Variants in PTPN2 observed in about 807,000 individuals in gnomAD.
PTPN2 encodes protein tyrosine phosphatase non-receptor type 2.
In PTPN2, 19 loss-of-function variants were observed where a neutral mutation model predicts 57.3. That is an observed-to-expected ratio of 0.33 (90% CI 0.23 to 0.49). The LOEUF is 0.49. Ranked by LOEUF, PTPN2 falls within the 20% of genes least tolerant of loss-of-function variation. PTPN2 has a pLI of 0.99. For missense variants in PTPN2, 358 were observed against 501.1 expected, an observed-to-expected ratio of 0.71 and a Z score of 2.73; for synonymous variants, 153 against 164.9, an observed-to-expected ratio of 0.93 and a Z score of 0.55.
Position 12,799,654 on chromosome 18 carries a change from G to A in PTPN2, c.1040+2316C>T, listed in dbSNP as rs184295119. On this transcript the variant is annotated intron_variant, in intron 8 of 8. Transcript: ENST00000309660. Reference sequence around the variant, plus strand: ...GTCTGGAGTGCAGTGTTATGATCTCGGCTCACTGCAACCTCCTGGGTTCAA... The same window carrying A: ...GTCTGGAGTGCAGTGTTATGATCTCAGCTCACTGCAACCTCCTGGGTTCAA... Among the ~76,000 whole-genome samples, 1,148 of 150,400 alleles carry A rather than the reference G, an allele frequency of 7.6e-3. 31 individuals carry two copies. Among genetic ancestry groups the A allele is most frequent in the Admixed American group, 0.051 (764 of 15,070 alleles).
At chr18:12,821,267 G>C (rs1402528923) in intron 5 of PTPN2, 1 of 152,188 alleles carries the variant, frequency 6.6e-6, no homozygotes. Flanking sequence ...AATGTGAAGT[G>C]CCTGCCATAT....
intron 7 of PTPN2, among the ~76,000 whole-genome samples, chr18:12,806,656 T>C (rs1299562481): frequency 6.6e-6 from 1 of 152,096 alleles, no homozygotes; most frequent in Non-Finnish European, 1.5e-5. Flanking sequence ...TTACAGCCAA[T>C]TTATTTTTGA....
intron 2 of PTPN2, among the ~76,000 whole-genome samples, chr18:12,847,714 C>T (rs78397314): frequency 0.066 from 10,020 of 151,038 alleles, 439 homozygotes; most frequent in East Asian, 0.13. Context: ...CCTCCACCTC[C>T]CAGGTTCAAA....
At chr18:12,817,101 G>A (rs954557890) in intron 6 of PTPN2, 55 bp downstream of exon 6, 7 of 1,506,138 alleles carry the variant, frequency 4.6e-6, no homozygotes, top group Non-Finnish European at 6.4e-6. Flanking sequence ...GCCAGTGGAA[G>A]CAATTTAAAA....
At chr18:12,883,841 C>T in intron 1 of PTPN2, 1 of 403,852 alleles carries the variant, frequency 2.5e-6, no homozygotes, top group Non-Finnish European at 4.4e-6. Flanking sequence ...TGCGCTTGCG[C>T]TAACCATGAG....
rs1394547422 is a variant in PTPN2, at chr18:12,874,136, C to A, written c.69+9937G>T. Among the ~76,000 whole-genome samples the A allele has an allele frequency of 3.3e-5, 5 of 152,050 alleles. No individual in the cohort carries two copies. The South Asian group carries it at 1.0e-3, about 31-fold the overall frequency. ...GTGAGGAGCGTCTCCACCTGGCAGC[C>A]GCCCCGTCCAGGAGGGAGGTGGGGG... On this transcript the variant is annotated intron_variant, in intron 1 of 8. Coordinates refer to ENST00000309660, the MANE Select transcript of PTPN2 (RefSeq NM_002828.4).
rs1181544951 is a variant in PTPN2 at position 12,792,193 on chromosome 18, C to G, written c.*2085G>C. 3.3e-5 allele frequency: 31 copies of G among 938,456 alleles called. No homozygotes were observed. Among genetic ancestry groups the G allele is most frequent in the Non-Finnish European group, 3.9e-5 (31 of 786,658 alleles). The allele number at this position is 938,456 out of a possible 1,614,324, so 58.1% of individuals were successfully genotyped here. A position where few individuals can be genotyped will look rare whatever the true frequency, so the allele number is the denominator to read the frequency against. On this transcript the variant is annotated 3_prime_UTR_variant, in exon 9 of 9. Coordinates refer to ENST00000309660, the MANE Select transcript of PTPN2 (RefSeq NM_002828.4). Reference sequence around the variant, plus strand: ...TTTAATATGTAGTACCACCTACATCCTGCTTTCATACTTTCAACATAATTT... The same window carrying G: ...TTTAATATGTAGTACCACCTACATCGTGCTTTCATACTTTCAACATAATTT...
At chr18:12,874,314 CCCCGCTTGGCCAGCCG>C (rs2145528191) in intron 1 of PTPN2, among the ~76,000 whole-genome samples, 1 of 132,318 alleles carries the variant, frequency 7.6e-6, no homozygotes, top group East Asian at 2.5e-4. Flanking sequence ...GGGGTCAGCC[CCCCGCTTGGCCAGCCG>C]CCCCGTCTGG....
At chr18:12,836,592 C>G (rs2042874414) in intron 3 of PTPN2, among the ~76,000 whole-genome samples, 199 bp downstream of exon 3, 1 of 152,176 alleles carries the variant, frequency 6.6e-6, no homozygotes, top group East Asian at 1.9e-4. Context: ...CGTGTAATAT[C>G]AAAAATAACT....
chr18:12,796,415 A>ATATGGT (rs1298446214), intron 8 of PTPN2, among the ~76,000 whole-genome samples: 1 of 152,222 alleles, frequency 6.6e-6, no homozygotes, highest in African/African-American at 2.4e-5. Context: ...TAAAAAAGCT[A>ATATGGT]TATGGTGAAT....
intron 7 of PTPN2, among the ~76,000 whole-genome samples, chr18:12,813,324 C>T (rs1015049099): frequency 5.3e-5 from 8 of 152,218 alleles, no homozygotes; most frequent in East Asian, 1.9e-4. Context: ...CAAAGTCTGG[C>T]GTCTGAAGCA....
Position 12,793,340 on chromosome 18 carries a change from A to C in PTPN2, c.*938T>G, listed in dbSNP as rs945351022. On this transcript the variant is annotated 3_prime_UTR_variant, in exon 9 of 9. Coordinates refer to ENST00000309660, the MANE Select transcript of PTPN2 (RefSeq NM_002828.4). ...TTCAGTCTAGTAAACTGAAATTATG[A>C]ATCATAAAATGCTGCTTCTTACTTT... The C allele has an allele frequency of 1.2e-5, 12 of 976,096 alleles. No individual in the cohort carries two copies. The highest frequency in any genetic ancestry group is 1.1e-3 in the Middle Eastern group (2 of 1,892). 60.5% of individuals were successfully genotyped at this position (976,096 alleles called of 1,614,324 possible).
chr18:12,827,006 T>C (rs1470434565), intron 4 of PTPN2, among the ~76,000 whole-genome samples: 1 of 152,252 alleles, frequency 6.6e-6, no homozygotes, highest in South Asian at 2.1e-4. Flanking sequence ...ATTCACTTTA[T>C]GTTTCTAAAA....
chr18:12,849,861 G>A (rs935102160), intron 2 of PTPN2, among the ~76,000 whole-genome samples: 4 of 151,858 alleles, frequency 2.6e-5, no homozygotes. Flanking sequence ...CTAGGAATCT[G>A]TTCCATTTTT....
chr18:12,816,525 CAG>C (rs2042080543), intron 6 of PTPN2, among the ~76,000 whole-genome samples: 2 of 152,000 alleles, frequency 1.3e-5, no homozygotes, highest in African/African-American at 4.8e-5. Context: ...TAAGGGCAAA[CAG>C]AAGTTTCATG....
At chr18:12,872,885 C>G (rs1195330239) in intron 1 of PTPN2, among the ~76,000 whole-genome samples, 1 of 152,168 alleles carries the variant, frequency 6.6e-6, no homozygotes. Context: ...TTCTTAAAAG[C>G]TATTTCAGAT....
chr18:12,855,187 T>C (rs1329558696), intron 2 of PTPN2, among the ~76,000 whole-genome samples: 2 of 152,064 alleles, frequency 1.3e-5, no homozygotes, highest in Non-Finnish European at 2.9e-5. Context: ...TGGGCTGAAG[T>C]GTGCATGGTG....
intron 1 of PTPN2, among the ~76,000 whole-genome samples, chr18:12,880,181 GAAAGTTGTGCCAAGGC>G (rs1462634905): frequency 6.6e-6 from 1 of 152,188 alleles, no homozygotes; most frequent in Non-Finnish European, 1.5e-5. Flanking sequence ...GAGAAGGGGG[GAAAGTTGTGCCAAGGC>G]AAAGAGAACA....
Position 12,851,436 on chromosome 18 carries a change from G to A in PTPN2, c.160+7728C>T, listed in dbSNP as rs1328475289. 3.7e-4 allele frequency among the ~76,000 whole-genome samples: 3 copies of A among 8,154 alleles called. 1 individual carries two copies. Among genetic ancestry groups the A allele is most frequent in the African/African-American group, 6.1e-4 (3 of 4,884 alleles). The allele number at this position is 8,154 out of a possible 152,430, so 5.3% of individuals were successfully genotyped here. On this transcript the variant is annotated intron_variant, in intron 2 of 8. Transcript: ENST00000309660. ...GGAGCTTGCAGTGAGCCGAGATTGC[G>A]CCACTGCAGTCCGCAGTCCGGCCTG...
Sources: gnomAD v4.1 joint callset for allele counts (sites outside exome capture counted in the v4.1 genomes callset) on GRCh38, gnomAD v4.1.1 for gene constraint, MANE v1.5 for transcripts, NCBI Gene and HGNC (gene_info 2026-07-23, HGNC 2026-07-21) for gene names.